Variants in LRFN2 observed in about 807,000 individuals in gnomAD.
The protein encoded by LRFN2 is leucine rich repeat and fibronectin type III domain containing 2.
LRFN2 carries 18 observed loss-of-function variants against 37.3 expected under a neutral mutation model. That is an observed-to-expected ratio of 0.48 (90% CI 0.33 to 0.72). LRFN2 has a LOEUF of 0.72. LRFN2 is among the 30% of genes least tolerant of loss of function. LRFN2 has a pLI of 0.02. For missense variants in LRFN2, 1,006 were observed against 1,060.7 expected, an observed-to-expected ratio of 0.95 and a Z score of 0.72; for synonymous variants, 556 against 466.6, an observed-to-expected ratio of 1.19 and a Z score of -2.47.
chr6:40,461,825 C>T (rs557105016), intron 1 of LRFN2, among the ~76,000 whole-genome samples: 3 of 152,242 alleles, frequency 2.0e-5, no homozygotes, highest in South Asian at 2.1e-4. Context: ...GCACCCTCCC[C>T]GCAAAACCTC....
intron 1 of LRFN2, among the ~76,000 whole-genome samples, chr6:40,538,556 G>A (rs1280977502): frequency 1.3e-5 from 2 of 152,238 alleles, no homozygotes; most frequent in East Asian, 3.8e-4. Context: ...CCACTATATT[G>A]TCCTTGCTGC....
At chr6:40,442,213 T>C (rs1449276722) in intron 1 of LRFN2, among the ~76,000 whole-genome samples, 1 of 152,146 alleles carries the variant, frequency 6.6e-6, no homozygotes, top group African/African-American at 2.4e-5. Flanking sequence ...AAGGGAGCAG[T>C]GGGGTGAATA....
intron 1 of LRFN2, among the ~76,000 whole-genome samples, chr6:40,462,617 G>C (rs1331250371): frequency 6.6e-6 from 1 of 152,172 alleles, no homozygotes; most frequent in Non-Finnish European, 1.5e-5. Flanking sequence ...GGGCCACGAT[G>C]AATACAACCA....
At chr6:40,571,678 G>A (rs1374174724) in intron 1 of LRFN2, among the ~76,000 whole-genome samples, 1 of 152,212 alleles carries the variant, frequency 6.6e-6, no homozygotes, top group African/African-American at 2.4e-5. Context: ...GGCCAGGTCC[G>A]ATGTTGGAGC....
Position 40,392,702 on chromosome 6 carries a change from G to T in LRFN2, c.1611C>A (p.Val537=). Residue 537 remains valine, a synonymous_variant, in exon 3 of 3, where the codon GTC becomes GTA. Transcript: ENST00000338305. This position sits in a 1 kb window ranked among gnomAD's most constrained non-coding sequence, Gnocchi z 4.7. ...SQILGGTMIL[V]IGGIIVATLL... ...GCGTGGCCACGATGATGCCCCCGAT[G>T]ACCAGGATCATGGTGCCGCCCAGAA... The T allele has an allele frequency of 1.2e-6, 2 of 1,614,084 alleles. No homozygotes were observed. The highest frequency in any genetic ancestry group is 1.7e-6 in the Non-Finnish European group (2 of 1,180,022).
Position 40,435,032 on chromosome 6 carries a change from TATATATATATATATATATATAGAGAG to T in LRFN2, c.-18-1927_-18-1902del, listed in dbSNP as rs1481428713. ...GGTTTTACATATATATATATATATATATATATATATATATATATATAGAGAGAGAGAGAGAGAGAGAGAGAGAGAGA... is the reference window on the plus strand; with the variant it reads ...GGTTTTACATATATATATATATATATAGAGAGAGAGAGAGAGAGAGAGAGA... On this transcript the variant is annotated intron_variant, in intron 1 of 2. Coordinates refer to ENST00000338305, the MANE Select transcript of LRFN2 (RefSeq NM_020737.3). 3.2e-3 allele frequency among the ~76,000 whole-genome samples: 300 copies of T among 92,896 alleles called. 2 individuals carry two copies. The highest frequency in any genetic ancestry group is 0.011 in the African/African-American group (278 of 24,628). The allele number at this position is 92,896 out of a possible 152,430, so 60.9% of individuals were successfully genotyped here. A position where few individuals can be genotyped will look rare whatever the true frequency, so the allele number is the denominator to read the frequency against.
intron 1 of LRFN2, among the ~76,000 whole-genome samples, chr6:40,524,581 C>T (rs1357321546): frequency 6.6e-6 from 1 of 152,126 alleles, no homozygotes; most frequent in African/African-American, 2.4e-5. Flanking sequence ...AGGCAGGGGG[C>T]CGAGGCGCTC....
intron 1 of LRFN2, among the ~76,000 whole-genome samples, chr6:40,489,486 G>A (rs965762813): frequency 3.3e-5 from 5 of 152,258 alleles, no homozygotes; most frequent in South Asian, 4.2e-4. Context: ...AGCTTGGCCC[G>A]GTGAAGGGAG....
chr6:40,496,309 G>A (rs1015650449), intron 1 of LRFN2, among the ~76,000 whole-genome samples: 2 of 152,106 alleles, frequency 1.3e-5, no homozygotes, highest in South Asian at 4.1e-4. Flanking sequence ...CCTCCACAGA[G>A]CAGCAAGAGG....
At chr6:40,563,323 G>A (rs1767033852) in intron 1 of LRFN2, among the ~76,000 whole-genome samples, 1 of 152,190 alleles carries the variant, frequency 6.6e-6, no homozygotes, top group Non-Finnish European at 1.5e-5. Context: ...CAGCTGCCGG[G>A]CCAATGAGCT....
chr6:40,431,892 C>T lies in LRFN2; in HGVS notation c.1222G>A (p.Gly408Arg), dbSNP rs868061607. The change falls in exon 2 of 3, where the codon GGA (glycine) becomes AGA (arginine). Residue 408 changes from glycine (G) to arginine (R), a missense_variant. By Grantham distance (125) the Gly-to-Arg change is moderately radical. This residue lies in a region of LRFN2 where 303 missense variants were observed against 299.8 expected (regional missense o/e 1.01). Coordinates refer to ENST00000338305, the MANE Select transcript of LRFN2 (RefSeq NM_020737.3). The stretch of plus-strand genomic sequence containing the variant: ...TCTCCGCCCCCACTGCCTCCACCTC[C>T]CCGGCTGGTCTTGCTGGAGCCAGTG... ...DITGSSKTSRGGGGSGGGEPP... is the reference protein window; with the variant it reads ...DITGSSKTSRRGGGSGGGEPP... 3.1e-6 allele frequency: 5 copies of T among 1,609,756 alleles called. No homozygotes were observed. The highest frequency in any genetic ancestry group is 1.7e-6 in the Non-Finnish European group (2 of 1,177,280).
At chr6:40,489,858 C>T (rs768613994) in intron 1 of LRFN2, among the ~76,000 whole-genome samples, 1 of 152,196 alleles carries the variant, frequency 6.6e-6, no homozygotes, top group East Asian at 1.9e-4. Context: ...CTGTGACTTA[C>T]CCGCTGCTGC....
intron 1 of LRFN2, among the ~76,000 whole-genome samples, chr6:40,541,157 C>G (rs1766548348): frequency 6.6e-6 from 1 of 152,194 alleles, no homozygotes; most frequent in Admixed American, 6.5e-5. Flanking sequence ...CCCAGGCCAG[C>G]CAGCCATCAG....
intron 2 of LRFN2, among the ~76,000 whole-genome samples, chr6:40,394,175 C>G (rs1354273466): frequency 1.3e-5 from 2 of 152,252 alleles, no homozygotes; most frequent in East Asian, 1.9e-4. Context: ...GCCTGGAACT[C>G]CTCACCCTGA....
chr6:40,438,721 G>C (rs952537408), intron 1 of LRFN2, among the ~76,000 whole-genome samples: 2 of 152,096 alleles, frequency 1.3e-5, no homozygotes, highest in Non-Finnish European at 2.9e-5. Flanking sequence ...TGTGTTTCCT[G>C]CTTGGGGTTG....
intron 1 of LRFN2, among the ~76,000 whole-genome samples, chr6:40,526,223 G>GTCACAACA (rs1487706159): frequency 6.6e-6 from 1 of 152,244 alleles, no homozygotes; most frequent in Non-Finnish European, 1.5e-5. Context: ...CAGCCAGCGT[G>GTCACAACA]CTCCGCAGCT....
intron 1 of LRFN2, among the ~76,000 whole-genome samples, chr6:40,445,399 G>C (rs1340585508): frequency 6.6e-6 from 1 of 152,140 alleles, no homozygotes; most frequent in Non-Finnish European, 1.5e-5. Context: ...TTCTCAAGGC[G>C]GAGAGAAAAG....
At chr6:40,395,698 G>A (rs547741204) in intron 2 of LRFN2, among the ~76,000 whole-genome samples, 28 of 152,314 alleles carry the variant, frequency 1.8e-4, no homozygotes, top group African/African-American at 6.0e-4. Context: ...TAGGCCTACC[G>A]CAACTCCCCG....
chr6:40,501,617 C>T (rs1412217823), intron 1 of LRFN2: 4 of 152,110 alleles, frequency 2.6e-5, no homozygotes, highest in Non-Finnish European at 5.9e-5. Context: ...CCACCACATC[C>T]AGTCACCACT....
Sources: allele counts gnomAD v4.1 joint callset (sites outside exome capture counted in the v4.1 genomes callset), GRCh38; gene constraint gnomAD v4.1.1; regional missense constraint gnomAD v4.1.1; non-coding constraint Gnocchi (gnomAD v3.1); transcripts MANE v1.5; gene names NCBI Gene and HGNC (gene_info 2026-07-23, HGNC 2026-07-21).